ZDHHC13: variants seen among roughly 807,000 people sequenced by gnomAD.
The protein encoded by ZDHHC13 is palmitoyltransferase ZDHHC13.
In ZDHHC13, 85 loss-of-function variants were observed where a neutral mutation model predicts 86.0. The ratio of observed to expected loss-of-function variants is 0.99; its 90% confidence interval spans 0.83 to 1.18. The LOEUF is 1.18. Ranked by LOEUF, ZDHHC13 falls within the 50% of genes most tolerant of loss-of-function variation. The probability of loss-of-function intolerance (pLI) is 0.00; values close to 1 mark genes in which losing one functional copy is unlikely to be tolerated. For missense variants in ZDHHC13, 711 were observed against 730.2 expected (o/e 0.97, Z 0.30); for synonymous variants, 263 against 246.4 (o/e 1.07, Z -0.63).
chr11:19,117,203 A>C lies in ZDHHC13; in HGVS notation c.-47A>C, dbSNP rs989953911. On this transcript the variant is annotated 5_prime_UTR_variant, in exon 1 of 17. Transcript: ENST00000446113. The surrounding 1 kb of genome is among the most constrained non-coding windows in gnomAD (Gnocchi z 4.2). ...CAAGGCGGGCTGGCGGGCTGGCGGC[A>C]GTCGCTACTTGCCTAGTAGCCTCAG... 2.6e-6 allele frequency: 4 copies of C among 1,530,210 alleles called. No homozygotes were observed. The East Asian group carries it at 1.0e-4, about 38-fold the overall frequency. The allele number at this position is 1,530,210 out of a possible 1,614,324, so 94.8% of individuals were successfully genotyped here. A position where few individuals can be genotyped will look rare whatever the true frequency, so the allele number is the denominator to read the frequency against.
chr11:19,171,840 GA>G (rs1313474934), intron 15 of ZDHHC13, among the ~76,000 whole-genome samples: 4 of 152,156 alleles, frequency 2.6e-5, no homozygotes, highest in Admixed American at 2.6e-4. Context: ...TTTTCTTAAT[GA>G]ACAAAACAAT....
chr11:19,137,247 A>G (rs528303702), intron 1 of ZDHHC13, among the ~76,000 whole-genome samples: 116 of 152,114 alleles, frequency 7.6e-4, no homozygotes, highest in Admixed American at 2.2e-3. Context: ...GGAAAACAAA[A>G]AAAGGCAGGG....
At chr11:19,140,216 C>G (rs1296481997) in intron 1 of ZDHHC13, among the ~76,000 whole-genome samples, 3 of 151,540 alleles carry the variant, frequency 2.0e-5, no homozygotes, top group Non-Finnish European at 4.4e-5. Flanking sequence ...AACAAATTTA[C>G]AAGAAAAAAA....
chr11:19,163,853 C>T (rs1288100415), intron 11 of ZDHHC13, among the ~76,000 whole-genome samples: 2 of 152,128 alleles, frequency 1.3e-5, no homozygotes, highest in South Asian at 2.1e-4. Context: ...GCATGTTTTC[C>T]GTTGCTCATG....
intron 1 of ZDHHC13, among the ~76,000 whole-genome samples, chr11:19,133,093 G>T (rs1203080412): frequency 6.6e-6 from 1 of 152,110 alleles, no homozygotes; most frequent in Admixed American, 6.5e-5. Flanking sequence ...AAAATGGCCA[G>T]TAAACATGAA....
chr11:19,131,144 G>A (rs1400571840), intron 1 of ZDHHC13, among the ~76,000 whole-genome samples: 1 of 151,776 alleles, frequency 6.6e-6, no homozygotes, highest in African/African-American at 2.4e-5. Flanking sequence ...TCAGCCTCCC[G>A]AATAGCTGGG....
In ZDHHC13 at chr11:19,143,238, A is replaced by G. The variant is rs116663578; in HGVS notation, c.173+115A>G. 1.6e-3 allele frequency: 1,723 copies of G among 1,103,452 alleles called. 15 individuals are homozygous for G. The African/African-American group carries it at 0.025, about 16-fold the overall frequency. 68.4% of individuals were successfully genotyped at this position (1,103,452 alleles called of 1,614,324 possible). A position where few individuals can be genotyped will look rare whatever the true frequency, so the allele number is the denominator to read the frequency against. ...TCTCTTAACTTCATAATAGTAGTTA[A>G]CACCAGCACCAGTATATTTGTCATA... is the stretch of plus-strand genomic sequence containing the variant. On this transcript the variant is annotated intron_variant, in intron 2 of 16. Coordinates refer to ENST00000446113, the MANE Select transcript of ZDHHC13 (RefSeq NM_019028.3).
intron 16 of ZDHHC13, 90 bp downstream of exon 16, chr11:19,172,910 G>T (rs1802919408): frequency 2.5e-6 from 3 of 1,200,504 alleles, no homozygotes; most frequent in Non-Finnish European, 3.5e-6. Context: ...TGGCCATGCT[G>T]CTGTTCTGTA....
Position 19,175,846 on chromosome 11 carries a change from A to G in ZDHHC13, c.1755A>G (p.Ala585=). The G allele has an allele frequency of 6.2e-7, 1 of 1,613,432 alleles. No homozygotes were observed. ...GTCTTGGATTCATGCAGAACCTGGC[A>G]GATTTCTTTCAGTGTGGCTGCTTTG... The part of the protein sequence containing the change: ...PYNLGFMQNL[A]DFFQCGCFGL... The change falls in exon 17 of 17, where the codon GCA becomes GCG. Residue 585 remains alanine, a synonymous_variant. Coordinates refer to ENST00000446113, the MANE Select transcript of ZDHHC13 (RefSeq NM_019028.3).
intron 4 of ZDHHC13, among the ~76,000 whole-genome samples, 162 bp downstream of exon 4, chr11:19,147,835 C>T (rs996841776): frequency 7.5e-5 from 10 of 132,688 alleles, no homozygotes; most frequent in South Asian, 2.7e-4. Context: ...AGGATGTTTT[C>T]GATATTTAAT....
rs1453564248 is a variant in ZDHHC13 at position 19,159,091 on chromosome 11, A to G, written c.1108+51A>G. ...GTGTATCTCATTTTGCCTTTAAAAG[A>G]GTAATGTTATTGTTAGGAATTTAGG... On this transcript the variant is annotated intron_variant, in intron 10 of 16. Coordinates refer to ENST00000446113, the MANE Select transcript of ZDHHC13 (RefSeq NM_019028.3). 6.0e-6 allele frequency: 8 copies of G among 1,339,596 alleles called. No individual in the cohort carries two copies. In the Admixed American group the frequency reaches 8.6e-5, roughly 14 times the overall value. The allele number at this position is 1,339,596 out of a possible 1,614,324, so 83.0% of individuals were successfully genotyped here.
intron 1 of ZDHHC13, among the ~76,000 whole-genome samples, chr11:19,137,143 C>A (rs979287668): frequency 6.6e-6 from 1 of 152,092 alleles, no homozygotes. Context: ...AGAGTCCAGA[C>A]CCATCAGTGT....
intron 3 of ZDHHC13, 149 bp from the exon 4 acceptor site, chr11:19,147,447 A>G (rs542418554): frequency 2.3e-5 from 15 of 639,920 alleles, no homozygotes; most frequent in East Asian, 2.0e-4. Context: ...TGAACCTTTC[A>G]TATTTCTATA....
intron 1 of ZDHHC13, among the ~76,000 whole-genome samples, chr11:19,140,865 A>G (rs1006773073): frequency 7.1e-6 from 1 of 140,336 alleles, no homozygotes; most frequent in African/African-American, 2.7e-5. Context: ...GAATTGAACA[A>G]TGAGAACACA....
Position 19,142,492 on chromosome 11 carries a change from G to A in ZDHHC13, c.28-486G>A, listed in dbSNP as rs562172105. ...GAATTATATGAGAACTTGATTAATTGGGGGGTTCGAGGATATTCTTAGGGT... is the reference window on the plus strand; with the variant it reads ...GAATTATATGAGAACTTGATTAATTAGGGGGTTCGAGGATATTCTTAGGGT... On this transcript the variant is annotated intron_variant, in intron 1 of 16. Coordinates refer to ENST00000446113, the MANE Select transcript of ZDHHC13 (RefSeq NM_019028.3). 4.2e-4 allele frequency among the ~76,000 whole-genome samples: 64 copies of A among 152,246 alleles called. 1 individual carries two copies. The South Asian group carries it at 0.013, about 31-fold the overall frequency.
intron 1 of ZDHHC13, among the ~76,000 whole-genome samples, chr11:19,119,267 C>T (rs1380007793): frequency 3.3e-5 from 5 of 152,150 alleles, no homozygotes; most frequent in African/African-American, 1.2e-4. Flanking sequence ...CGGACCACCA[C>T]ACCCTGCTAA....
intron 1 of ZDHHC13, among the ~76,000 whole-genome samples, chr11:19,122,098 A>C (rs763677476): frequency 3.3e-5 from 5 of 152,152 alleles, no homozygotes; most frequent in Non-Finnish European, 7.3e-5. Context: ...GAAAATAAAA[A>C]TTTCAGCTCT....
At chr11:19,126,050 C>T (rs1848867514) in intron 1 of ZDHHC13, among the ~76,000 whole-genome samples, 1 of 152,130 alleles carries the variant, frequency 6.6e-6, no homozygotes, top group African/African-American at 2.4e-5. Flanking sequence ...TTTTTAAAAA[C>T]AGTGCCCCTT....
chr11:19,133,386 T>TAC lies in ZDHHC13; in HGVS notation c.28-9572_28-9571dup, dbSNP rs55880977. On this transcript the variant is annotated intron_variant, in intron 1 of 16. Coordinates refer to ENST00000446113, the MANE Select transcript of ZDHHC13 (RefSeq NM_019028.3). ...ATATATATACCCACACACATATATA[T>TAC]ACACACACACACACACACACATATA... 6.1e-3 allele frequency among the ~76,000 whole-genome samples: 916 copies of TAC among 149,588 alleles called. 6 individuals carry two copies. The highest frequency in any genetic ancestry group is 0.019 in the African/African-American group (792 of 40,806).
Sources: gnomAD v4.1 joint callset for allele counts (sites outside exome capture counted in the v4.1 genomes callset) on GRCh38, gnomAD v4.1.1 for gene constraint, Gnocchi (gnomAD v3.1) non-coding constraint, MANE v1.5 for transcripts, NCBI Gene and HGNC (gene_info 2026-07-23, HGNC 2026-07-21) for gene names.